The following PLEC variants were observed in gnomAD, a reference collection of about 807,000 sequenced individuals.
PLEC encodes the protein hemidesmosomal protein 1.
Under a neutral mutation model 392.8 loss-of-function variants are expected in PLEC, and 216 were observed. The ratio of observed to expected loss-of-function variants is 0.55; its 90% CI spans 0.49 to 0.62. The LOEUF (loss-of-function observed/expected upper bound fraction) is 0.62. Ranked by LOEUF, PLEC falls within the 20% of genes least tolerant of loss-of-function variation. The pLI is 0.00. For missense variants in PLEC, 6,863 were observed against 6,563.4 expected (o/e 1.05, Z -1.58); for synonymous variants, 3,621 against 2,980.6 (o/e 1.21, Z -7.00).
chr8:143,939,963 G>C (rs1830132676), upstream of PLEC, among the ~76,000 whole-genome samples: 1 of 152,184 alleles, frequency 6.6e-6, no homozygotes, highest in African/African-American at 2.4e-5. Context: ...CCTCTCTTTG[G>C]AGCTCCCTCC....
At chr8:143,972,920 G>A (rs1433941260) in intron 1 of PLEC, among the ~76,000 whole-genome samples, 1 of 152,094 alleles carries the variant, frequency 6.6e-6, no homozygotes, top group Non-Finnish European at 1.5e-5. Context: ...AAGGGGTGTG[G>A]GGGGGGTGCC....
At chr8:143,952,866 G>C (rs1012029732), upstream of PLEC, among the ~76,000 whole-genome samples, 2 of 152,228 alleles carry the variant, frequency 1.3e-5, no homozygotes, top group East Asian at 3.9e-4. Flanking sequence ...GGCTCGGCGG[G>C]AGTCCCCTCC....
In PLEC at chr8:143,948,262, C is replaced by T. The variant is rs1831727568; in HGVS notation, c.523+1922G>A. 3.9e-5 allele frequency among the ~76,000 whole-genome samples: 6 copies of T among 152,370 alleles called. No individual in the cohort carries two copies. In the South Asian group the frequency reaches 1.2e-3, roughly 32 times the overall value. On this transcript the variant is annotated intron_variant, in intron 1 of 31. Transcript: ENST00000322810. ...CCCATCCAACAGGGCCATCCTGGAC[C>T]AGCACAGTTGGCCCACGAGCTCTGA...
Position 143,930,264 on chromosome 8 carries a change from A to G in PLEC, c.2492T>C (p.Val831Ala). The change falls in exon 21 of 32, where the codon GTG (valine) becomes GCG (alanine). Residue 831 changes from valine (V) to alanine (A), a missense_variant. Physicochemically the swap from Val to Ala is moderately conservative, Grantham distance 64. Coordinates refer to ENST00000345136, the MANE Select transcript of PLEC (RefSeq NM_201384.3). ...CCAGTGGGACGGCTGTGCAGGGCCC[A>G]CCAGCTGGCACTCGTCACCCTTGTG... ...TVHKGDECQL[V>A]GPAQPSHWKV... The G allele has an allele frequency of 6.2e-7, 1 of 1,601,984 alleles. No homozygotes were observed. Among genetic ancestry groups the G allele is most frequent in the Non-Finnish European group, 8.5e-7 (1 of 1,178,468 alleles).
chr8:143,933,546 A>T (rs1828037615), intron 12 of PLEC, among the ~76,000 whole-genome samples, 195 bp from the exon 13 acceptor site: 1 of 152,102 alleles, frequency 6.6e-6, no homozygotes, highest in Non-Finnish European at 1.5e-5. Flanking sequence ...GACCAAGTCC[A>T]GAGTACTTAG....
At chr8:143,952,470 G>A (rs1053101470), upstream of PLEC, among the ~76,000 whole-genome samples, 1 of 152,138 alleles carries the variant, frequency 6.6e-6, no homozygotes, top group Non-Finnish European at 1.5e-5. Flanking sequence ...CCAGGGTTGT[G>A]GCTTTGGGAA....
upstream of PLEC, among the ~76,000 whole-genome samples, chr8:143,943,094 G>A (rs144751389): frequency 6.6e-5 from 10 of 152,264 alleles, no homozygotes; most frequent in South Asian, 2.1e-4. Flanking sequence ...CCAGCGCCAC[G>A]CCTAGAAGCC....
upstream of PLEC, chr8:143,973,588 C>CCCCGCA: frequency 1.0e-6 from 1 of 964,960 alleles, no homozygotes; most frequent in South Asian, 4.7e-5. This position sits in a 1 kb window ranked among gnomAD's most constrained non-coding sequence, Gnocchi z 5.6. Context: ...CCCGCCCCGC[C>CCCCGCA]CCCGCACCCA....
upstream of PLEC, among the ~76,000 whole-genome samples, chr8:143,976,326 G>C (rs1833660789): frequency 6.6e-6 from 1 of 152,128 alleles, no homozygotes. Flanking sequence ...GGGCTGGCGC[G>C]GGGGCACAAT....
chr8:143,940,305 C>T (rs1281599108), upstream of PLEC, among the ~76,000 whole-genome samples: 6 of 152,332 alleles, frequency 3.9e-5, no homozygotes, highest in African/African-American at 1.2e-4. Flanking sequence ...GGCTGACTCA[C>T]GGAGGCCGGG....
Position 143,926,857 on chromosome 8 carries a change from C to G in PLEC, c.3971G>C (p.Ser1324Thr), listed in dbSNP as rs782265106. The change falls in exon 30 of 32, where the codon AGC (serine) becomes ACC (threonine). Residue 1324 changes from serine to threonine, a missense_variant. By Grantham distance (58) the Ser-to-Thr change is moderately conservative. Transcript: ENST00000345136. ...CTGGCTCGTCAGTGTGGTCAGCTCG[C>G]TGTAGTGCGTACGCAGGTCCACGTA... is the stretch of plus-strand genomic sequence containing the variant. ...QEYVDLRTHY[S>T]ELTTLTSQYI... The G allele has an allele frequency of 1.2e-6, 2 of 1,613,590 alleles. No individual in the cohort carries two copies. The highest frequency in any genetic ancestry group is 1.7e-6 in the Non-Finnish European group (2 of 1,179,910).
At position 143,969,424 on chromosome 8, in the gene PLEC, G is replaced by A. The variant is rs1187870064; in HGVS notation, c.70+3979C>T. On this transcript the variant is annotated intron_variant, in intron 1 of 31. Transcript: ENST00000356346. The surrounding 1 kb of genome is among the most constrained non-coding windows in gnomAD (Gnocchi z 5.1). ...GAGAGGCCTCCGTGCTGAGGGCTGTGGGCTGGTGACTTAGACAGTCGGCCC... is the reference window on the plus strand; with the variant it reads ...GAGAGGCCTCCGTGCTGAGGGCTGTAGGCTGGTGACTTAGACAGTCGGCCC... 1.3e-5 allele frequency among the ~76,000 whole-genome samples: 2 copies of A among 152,210 alleles called. No individual in the cohort carries two copies. The highest frequency in any genetic ancestry group is 2.9e-5 in the Non-Finnish European group (2 of 68,038).
In PLEC at chr8:143,925,345, C is replaced by T. The variant is rs782501584; in HGVS notation, c.4584G>A (p.Ala1528=). The change falls in exon 31 of 32, where the codon GCG becomes GCA. Residue 1528 remains alanine (A), a synonymous_variant. Transcript: ENST00000345136. The part of the protein sequence containing the change: ...ASRVKAEAEA[A]REKQRALQAL... ...CCTGCAGGGCCCGCTGCTTCTCGCG[C>T]GCCGCCTCGGCCTCGGCCTTCACGC... is the stretch of plus-strand genomic sequence containing the variant. 2.6e-5 allele frequency: 40 copies of T among 1,551,544 alleles called. No homozygotes were observed. Among genetic ancestry groups the T allele is most frequent in the Middle Eastern group, 2.0e-4 (1 of 5,012 alleles).
chr8:143,962,263 A>G (rs1200838074), intron 1 of PLEC, among the ~76,000 whole-genome samples: 1 of 152,258 alleles, frequency 6.6e-6, no homozygotes, highest in Non-Finnish European at 1.5e-5. Context: ...AGGGATTGGC[A>G]TGATGCAGCC....
chr8:143,916,671 C>T lies in PLEC; in HGVS notation c.13150G>A (p.Gly4384Ser), dbSNP rs1554669877. 13 of 1,611,578 alleles carry T rather than the reference C, an allele frequency of 8.1e-6. No individual in the cohort carries two copies. Among genetic ancestry groups the T allele is most frequent in the Non-Finnish European group, 1.0e-5 (12 of 1,179,300 alleles). ...TACTGCACCTCCAGGAAGCGCTGGCCGGCCTCGTAGTAGAGCCAGCCCTTC... is the reference window on the plus strand; with the variant it reads ...TACTGCACCTCCAGGAAGCGCTGGCTGGCCTCGTAGTAGAGCCAGCCCTTC... The part of the protein sequence containing the change: ...LKKGWLYYEA[G>S]QRFLEVQYLT... The change falls in exon 32 of 32, where the codon GGC becomes AGC. Residue 4384 changes from glycine to serine, a missense_variant. By Grantham distance (56) the Gly-to-Ser change is moderately conservative (BLOSUM62 0). Transcript: ENST00000345136.
At chr8:143,931,858 A>G in intron 18 of PLEC, 79 bp downstream of exon 18, 3 of 1,439,206 alleles carry the variant, frequency 2.1e-6, no homozygotes, top group Non-Finnish European at 2.9e-6. Context: ...AGGGCTCCTG[A>G]TTGGAGCTGC....
intron 11 of PLEC, 52 bp from the exon 12 acceptor site, chr8:143,934,143 C>G (rs1554720337): frequency 6.3e-7 from 1 of 1,598,146 alleles, no homozygotes. Flanking sequence ...CGGCACAGCC[C>G]TGGCCACAGA....
rs1554673074 is a variant in PLEC, at chr8:143,917,765, G to A, written c.12056C>T (p.Ser4019Phe). The A allele has an allele frequency of 1.2e-6, 2 of 1,613,602 alleles. No homozygotes were observed. Among genetic ancestry groups the A allele is most frequent in the Non-Finnish European group, 1.7e-6 (2 of 1,180,010 alleles). ...CTGGAAGAGGGAGATGAGCTTCCCA[G>A]AGTAGGGGTCCTTGTACCCAGTGAC... ...RAVTGYKDPY[S>F]GKLISLFQAM... is the part of the protein sequence containing the mutation. Residue 4019 changes from serine (S) to phenylalanine (F), a missense_variant, in exon 32 of 32, where the codon TCT (serine) becomes TTT (phenylalanine). Coordinates refer to ENST00000345136, the MANE Select transcript of PLEC (RefSeq NM_201384.3).
intron 1 of PLEC, chr8:143,944,729 C>T (rs1267146762): frequency 1.7e-5 from 21 of 1,271,478 alleles, no homozygotes; most frequent in Non-Finnish European, 3.0e-6. Flanking sequence ...GTCACAGGCC[C>T]CTCGGAGGAG....
Sources: allele counts gnomAD v4.1 joint callset (sites outside exome capture counted in the v4.1 genomes callset), GRCh38; gene constraint gnomAD v4.1.1; non-coding constraint Gnocchi (gnomAD v3.1); transcripts MANE v1.5; gene names NCBI Gene and HGNC (gene_info 2026-07-23, HGNC 2026-07-21).